The following TFB1M variants were observed in gnomAD, a reference collection of about 807,000 sequenced individuals.
The protein encoded by TFB1M is transcription factor B1, mitochondrial.
A neutral mutation model predicts 31.1 loss-of-function variants in TFB1M; 27 were observed. That is an observed-to-expected ratio of 0.87 (90% CI 0.64 to 1.20). The LOEUF (loss-of-function observed/expected upper bound fraction) is 1.20. TFB1M is among the 50% of genes most tolerant of loss of function. TFB1M has a pLI of 0.00. For synonymous variants in TFB1M, 166 were observed against 151.8 expected (o/e 1.09, Z -0.69); for missense variants, 394 against 418.7 (o/e 0.94, Z 0.51).
At chr6:155,248,920 A>G in the TFB1M span, among the ~76,000 whole-genome samples, 1 of 152,246 alleles carries the variant, frequency 6.6e-6, no homozygotes, top group Non-Finnish European at 1.5e-5. Flanking sequence ...TACTGAGAAG[A>G]GCGTAAATTA....
chr6:155,256,487 C>T lies in TFB1M; in HGVS notation c.*1349G>A, dbSNP rs771247263. 6 of 1,614,148 alleles carry T rather than the reference C, an allele frequency of 3.7e-6. No homozygotes were observed. The highest frequency in any genetic ancestry group is 2.2e-5 in the South Asian group (2 of 91,050). ...AAATGTGTTTTTCTCACTGTAGCTT[C>T]ATCCAGGTCTTTAAAAGTCCTGAAG... On this transcript the variant is annotated 3_prime_UTR_variant, in exon 7 of 7. Transcript: ENST00000367166.
rs1582880948 is a variant in TFB1M at position 155,305,633 on chromosome 6, A to G, written c.285+5555T>C. ...TATATATTAAATTATATATTTATAT[A>G]TATAAATATATATTAAATTATATAT... On this transcript the variant is annotated intron_variant, in intron 2 of 6. Transcript: ENST00000367166. 3.4e-5 allele frequency among the ~76,000 whole-genome samples: 3 copies of G among 87,520 alleles called. 1 individual carries two copies. The South Asian group carries it at 8.6e-4, about 25-fold the overall frequency. The allele number at this position is 87,520 out of a possible 152,430, so 57.4% of individuals were successfully genotyped here. A position where few individuals can be genotyped will look rare whatever the true frequency, so the allele number is the denominator to read the frequency against.
At chr6:155,251,826 T>G, downstream of TFB1M, 1 of 747,046 alleles carries the variant, frequency 1.3e-6, no homozygotes. Context: ...GTTGGCAGAG[T>G]GAGGTCTTAG....
intron 5 of TFB1M, among the ~76,000 whole-genome samples, chr6:155,273,797 C>G (rs1255395367): frequency 2.6e-5 from 4 of 152,234 alleles, no homozygotes; most frequent in Middle Eastern, 3.4e-3. Flanking sequence ...GATATCCTAT[C>G]TGAACATTCT....
chr6:155,234,414 A>G, the TFB1M span, among the ~76,000 whole-genome samples: 112 of 152,338 alleles, frequency 7.4e-4, no homozygotes, highest in African/African-American at 2.6e-3. Flanking sequence ...GACCACAGGC[A>G]TGTGCCACCA....
chr6:155,252,867 TA>T, downstream of TFB1M: 3 of 1,316,078 alleles, frequency 2.3e-6, no homozygotes, highest in East Asian at 2.3e-5. Flanking sequence ...AGGGAGAACA[TA>T]AACTTCTATT....
At chr6:155,240,636 G>T in the TFB1M span, 2 of 1,613,980 alleles carry the variant, frequency 1.2e-6, no homozygotes, top group Non-Finnish European at 1.7e-6. Flanking sequence ...TCTCTGGCCC[G>T]CCACCTGTCT....
At chr6:155,241,831 A>G in the TFB1M span, among the ~76,000 whole-genome samples, 1 of 152,214 alleles carries the variant, frequency 6.6e-6, no homozygotes, top group Non-Finnish European at 1.5e-5. Flanking sequence ...CCATCTCCAC[A>G]GTCACCTTTT....
At chr6:155,246,096 C>G in the TFB1M span, among the ~76,000 whole-genome samples, 1 of 149,324 alleles carries the variant, frequency 6.7e-6, no homozygotes, top group Non-Finnish European at 1.5e-5. Context: ...TGTTAATCTT[C>G]TTAAGCCTGA....
At chr6:155,275,961 G>C in intron 5 of TFB1M, 4 of 1,614,142 alleles carry the variant, frequency 2.5e-6, no homozygotes, top group Non-Finnish European at 3.4e-6. Context: ...CAGGCTGCGA[G>C]AGCCACCATG....
At chr6:155,312,818 T>C (rs540097029) in intron 1 of TFB1M, among the ~76,000 whole-genome samples, 97 of 152,198 alleles carry the variant, frequency 6.4e-4, no homozygotes, top group Non-Finnish European at 1.3e-3. Flanking sequence ...ACCTATAACT[T>C]CTGCCCTGAG....
At chr6:155,290,403 A>AG (rs1469820137) in intron 4 of TFB1M, among the ~76,000 whole-genome samples, 3 of 144,262 alleles carry the variant, frequency 2.1e-5, no homozygotes, top group Non-Finnish European at 3.0e-5. Context: ...AAAAAAAAAA[A>AG]AAAAAAAGAA....
chr6:155,285,859 T>C (rs1035688392), intron 4 of TFB1M, among the ~76,000 whole-genome samples: 1 of 152,200 alleles, frequency 6.6e-6, no homozygotes, highest in Admixed American at 6.5e-5. Flanking sequence ...TATATTTCAA[T>C]TAATTCATAA....
At chr6:155,306,182 TAA>T (rs1777753294) in intron 2 of TFB1M, among the ~76,000 whole-genome samples, 1 of 152,094 alleles carries the variant, frequency 6.6e-6, no homozygotes, top group Non-Finnish European at 1.5e-5. Flanking sequence ...TGGCTAAAAT[TAA>T]AAAGACTGAC....
At chr6:155,254,419 T>A, downstream of TFB1M, 1 of 1,610,296 alleles carries the variant, frequency 6.2e-7, no homozygotes, top group Non-Finnish European at 8.5e-7. Context: ...CCCCACCCAG[T>A]GACAGTGAAA....
In TFB1M at chr6:155,257,808, TGGTAGGCTGCTCGCCCCC is replaced by T; in HGVS notation, c.*10_*27del. 1 of 1,613,842 alleles carries T rather than the reference TGGTAGGCTGCTCGCCCCC, an allele frequency of 6.2e-7. No individual in the cohort carries two copies. The highest frequency in any genetic ancestry group is 8.5e-7 in the Non-Finnish European group (1 of 1,179,876). ...GCTCCACGTAGTGCAAATCGACATC[TGGTAGGCTGCTCGCCCCC>T]AGGCAGCAGCTAGAGTCTGTAATTC... is the stretch of plus-strand genomic sequence containing the variant. On this transcript the variant is annotated 3_prime_UTR_variant, in exon 7 of 7. Coordinates refer to ENST00000367166, the MANE Select transcript of TFB1M (RefSeq NM_016020.4).
Position 155,298,581 on chromosome 6 carries a change from A to T in TFB1M, c.290T>A (p.Leu97His). The change falls in exon 3 of 7, where the codon CTT (leucine) becomes CAT (histidine). Residue 97 changes from leucine to histidine, a missense_variant. Physicochemically the swap from Leu to His is moderately conservative, Grantham distance 99. Around this residue, in one of 3 missense-constraint regions of TFB1M, gnomAD observed 273 missense variants for 256.4 expected, o/e 1.06. Coordinates refer to ENST00000367166, the MANE Select transcript of TFB1M (RefSeq NM_016020.4). ...CAGTTTCCCAGGTGCTGCATCAGAA[A>T]GCATCTAGTTTATAAAAAGATCAGT... Reference protein sequence around the residue: ...DTRFIPGLQMLSDAAPGKLRI... With the variant: ...DTRFIPGLQMHSDAAPGKLRI... The T allele has an allele frequency of 6.2e-7, 1 of 1,604,562 alleles. No homozygotes were observed. Among genetic ancestry groups the T allele is most frequent in the South Asian group, 1.1e-5 (1 of 90,874 alleles).
At chr6:155,283,035 T>C (rs1281427484) in intron 5 of TFB1M, among the ~76,000 whole-genome samples, 1 of 151,548 alleles carries the variant, frequency 6.6e-6, no homozygotes, top group Non-Finnish European at 1.5e-5. Flanking sequence ...CCCAAGAAAA[T>C]GAATTTTTAA....
intron 4 of TFB1M, among the ~76,000 whole-genome samples, chr6:155,290,406 A>AAAAAAAAAAG (rs1562411468): frequency 8.7e-6 from 1 of 114,964 alleles, no homozygotes; most frequent in African/African-American, 3.5e-5. Flanking sequence ...AAAAAAAAAA[A>AAAAAAAAAAG]AAAAGAAAAG....
Sources: gnomAD v4.1 joint callset for allele counts (sites outside exome capture counted in the v4.1 genomes callset) on GRCh38, gnomAD v4.1.1 for gene constraint, gnomAD v4.1.1 regional missense constraint, MANE v1.5 for transcripts, NCBI Gene and HGNC (gene_info 2026-07-23, HGNC 2026-07-21) for gene names.